The following UNC5D variants were observed in gnomAD, a reference collection of about 807,000 sequenced individuals.
The protein encoded by UNC5D is netrin receptor UNC5D.
Under a neutral mutation model 105.4 loss-of-function variants are expected in UNC5D, and 39 were observed. The observed-to-expected ratio is 0.37, with a 90% CI of 0.29 to 0.48. UNC5D has a LOEUF of 0.48. UNC5D is among the 20% of genes least tolerant of loss of function. UNC5D has a pLI of 0.98. For synonymous variants in UNC5D, 452 were observed against 450.4 expected, an observed-to-expected ratio of 1.00 and a Z score of -0.04; for missense variants, 991 against 1,202.4, an observed-to-expected ratio of 0.82 and a Z score of 2.60.
chr8:35,441,030 TTTGGGGCAGGCAATC>T (rs1203236334), intron 1 of UNC5D, among the ~76,000 whole-genome samples: 1 of 151,942 alleles, frequency 6.6e-6, no homozygotes, highest in Admixed American at 6.6e-5. Flanking sequence ...ATTGCAGGTC[TTTGGGGCAGGCAATC>T]TTCTGTTGGT....
chr8:35,729,282 G>A (rs943732194), intron 10 of UNC5D, among the ~76,000 whole-genome samples: 3 of 152,074 alleles, frequency 2.0e-5, no homozygotes, highest in Admixed American at 2.0e-4. Flanking sequence ...TATGAGAGTT[G>A]GCCATCAGGC....
chr8:35,653,635 G>A (rs1823559321), intron 4 of UNC5D, among the ~76,000 whole-genome samples: 1 of 152,160 alleles, frequency 6.6e-6, no homozygotes, highest in Non-Finnish European at 1.5e-5. Context: ...TGATATTTAT[G>A]TGTCAGTTCA....
Position 35,296,893 on chromosome 8 carries a change from AG to A in UNC5D, c.103+61009del, listed in dbSNP as rs1345193157. On this transcript the variant is annotated intron_variant, in intron 1 of 16. Coordinates refer to ENST00000404895, the MANE Select transcript of UNC5D (RefSeq NM_080872.4). ...ACCCATATTTTTATCCTACATTCTA[AG>A]GGCAGTCAACAAATAATGCCATGCC... Among the ~76,000 whole-genome samples the A allele has an allele frequency of 2.6e-5, 4 of 152,340 alleles. No homozygotes were observed. In the East Asian group the frequency reaches 7.7e-4, roughly 29 times the overall value.
At chr8:35,584,558 G>A (rs1439155) in intron 3 of UNC5D, among the ~76,000 whole-genome samples, 13,913 of 151,974 alleles carry the variant, frequency 0.092, 660 homozygotes, top group Middle Eastern at 0.11. Flanking sequence ...GGGACTACAG[G>A]CATGCGCCCC....
intron 1 of UNC5D, among the ~76,000 whole-genome samples, chr8:35,267,852 T>G (rs572030794): frequency 6.6e-6 from 1 of 152,284 alleles, no homozygotes; most frequent in South Asian, 2.1e-4. Flanking sequence ...AAAGGAAAAT[T>G]GTTCCAGGTT....
chr8:35,288,323 A>T (rs1335366128), intron 1 of UNC5D, among the ~76,000 whole-genome samples: 1 of 152,136 alleles, frequency 6.6e-6, no homozygotes. Context: ...GGGAAAAGAA[A>T]GACTATCAAC....
At chr8:35,547,918 A>G (rs905498823) in intron 1 of UNC5D, among the ~76,000 whole-genome samples, 1 of 152,188 alleles carries the variant, frequency 6.6e-6, no homozygotes, top group Admixed American at 6.5e-5. Context: ...GCTGAGGAGC[A>G]AGGAAGCCAG....
At chr8:35,412,304 A>G (rs191256778) in intron 1 of UNC5D, among the ~76,000 whole-genome samples, 33 of 152,132 alleles carry the variant, frequency 2.2e-4, no homozygotes, top group Admixed American at 2.1e-3. Flanking sequence ...TTCTTCTTAG[A>G]TTGGTGGTAT....
chr8:35,753,280 G>A (rs1430483730), intron 13 of UNC5D, among the ~76,000 whole-genome samples: 1 of 149,964 alleles, frequency 6.7e-6, no homozygotes, highest in Non-Finnish European at 1.5e-5. Context: ...CTTTTTTTTT[G>A]TTTTTTGAGA....
intron 1 of UNC5D, among the ~76,000 whole-genome samples, chr8:35,484,466 C>T (rs771683733): frequency 6.6e-6 from 1 of 152,082 alleles, no homozygotes; most frequent in Non-Finnish European, 1.5e-5. Flanking sequence ...AACCAGTCTC[C>T]TCGCTCCCAC....
chr8:35,321,516 C>T (rs971900702), intron 1 of UNC5D, among the ~76,000 whole-genome samples: 4 of 152,060 alleles, frequency 2.6e-5, no homozygotes, highest in Admixed American at 6.6e-5. Flanking sequence ...CTTTGCCTTC[C>T]ACACCGATTG....
At chr8:35,710,985 C>A in intron 8 of UNC5D, among the ~76,000 whole-genome samples, 1 of 120,844 alleles carries the variant, frequency 8.3e-6, no homozygotes, top group East Asian at 2.6e-4. Flanking sequence ...GTCGCCCAGG[C>A]TGGAGTGCAG....
At chr8:35,275,602 C>T (rs576574383) in intron 1 of UNC5D, among the ~76,000 whole-genome samples, 1 of 152,112 alleles carries the variant, frequency 6.6e-6, no homozygotes, top group East Asian at 1.9e-4. Flanking sequence ...TTGTGGAAGC[C>T]CGGTTGTATT....
intron 8 of UNC5D, among the ~76,000 whole-genome samples, chr8:35,710,192 G>T (rs1216010701): frequency 6.6e-6 from 1 of 152,186 alleles, no homozygotes; most frequent in Non-Finnish European, 1.5e-5. Flanking sequence ...CTAGCTCTAA[G>T]ATGATTGTGG....
chr8:35,433,798 G>A (rs1294531759), intron 1 of UNC5D, among the ~76,000 whole-genome samples: 4 of 148,614 alleles, frequency 2.7e-5, no homozygotes, highest in South Asian at 2.1e-4. Context: ...GCAGTGAGCC[G>A]AGATTGCACC....
At chr8:35,525,478 C>T in intron 1 of UNC5D, 4 of 1,612,316 alleles carry the variant, frequency 2.5e-6, no homozygotes, top group Non-Finnish European at 3.4e-6. Flanking sequence ...AGCTTCTCCT[C>T]CTTCTCTGTC....
In UNC5D at chr8:35,389,738, T is replaced by A. The variant is rs796852914; in HGVS notation, c.103+153851T>A. Among the ~76,000 whole-genome samples the A allele has an allele frequency of 2.8e-3, 351 of 126,656 alleles. 2 individuals carry two copies. The highest frequency in any genetic ancestry group is 5.5e-3 in the Admixed American group (69 of 12,598). The allele number at this position is 126,656 out of a possible 152,430, so 83.1% of individuals were successfully genotyped here. ...CTGGAAGTTAATGTTCTGGCTGATT[T>A]AAAAAAAAAAAAAAAAAAAAGTCTC... On this transcript the variant is annotated intron_variant, in intron 1 of 16. Transcript: ENST00000404895.
intron 1 of UNC5D, among the ~76,000 whole-genome samples, chr8:35,464,195 T>C (rs2129709666): frequency 6.6e-6 from 1 of 152,168 alleles, no homozygotes; most frequent in Middle Eastern, 3.4e-3. Context: ...GGTATGGTGG[T>C]AGGTACCTGT....
chr8:35,567,945 G>A (rs567389234), intron 2 of UNC5D, among the ~76,000 whole-genome samples, 153 bp from the exon 3 acceptor site: 1 of 152,140 alleles, frequency 6.6e-6, no homozygotes, highest in Non-Finnish European at 1.5e-5. Context: ...AATTTAATTA[G>A]CAGTAATATA....
Sources: gnomAD v4.1 joint callset for allele counts (sites outside exome capture counted in the v4.1 genomes callset) on GRCh38, gnomAD v4.1.1 for gene constraint, MANE v1.5 for transcripts, NCBI Gene and HGNC (gene_info 2026-07-23, HGNC 2026-07-21) for gene names.